Variants in SPNS2 observed in about 807,000 individuals in gnomAD.
SPNS2 encodes the protein SPNS lysolipid transporter 2, sphingosine-1-phosphate, also known as sphingosine-1-phosphate transporter SPNS2.
In SPNS2, 37 loss-of-function variants were observed where a neutral mutation model predicts 57.6. The ratio of observed to expected loss-of-function variants is 0.64; its 90% confidence interval spans 0.49 to 0.85. The LOEUF (loss-of-function observed/expected upper bound fraction) is 0.85. Ranked by LOEUF, SPNS2 falls within the 40% of genes least tolerant of loss-of-function variation. The pLI is 0.00. For missense variants in SPNS2, 831 were observed against 779.1 expected, an observed-to-expected ratio of 1.07 and a Z score of -0.79; for synonymous variants, 440 against 346.9, an observed-to-expected ratio of 1.27 and a Z score of -2.98.
chr17:4,536,050 C>T (rs772220067), intron 9 of SPNS2, 26 bp from the exon 10 acceptor site: 61 of 1,600,834 alleles, frequency 3.8e-5, no homozygotes, highest in Non-Finnish European at 4.4e-5. Flanking sequence ...CTCCTCTGGC[C>T]GCTGACCTGC....
chr17:4,535,328 G>C (rs1905725692), intron 9 of SPNS2, among the ~76,000 whole-genome samples: 1 of 152,162 alleles, frequency 6.6e-6, no homozygotes, highest in South Asian at 2.1e-4. Flanking sequence ...TGCAGGCAGG[G>C]GCCTGCCTCA....
At chr17:4,533,590 A>C in intron 8 of SPNS2, 158 bp downstream of exon 8, 2 of 1,024,816 alleles carry the variant, frequency 2.0e-6, no homozygotes, top group Non-Finnish European at 2.8e-6. Flanking sequence ...GGCCACACAC[A>C]GCCTGTCCAG....
rs750125732 is a variant in SPNS2 at position 4,530,698 on chromosome 17, GC to G, written c.645del (p.Thr216LeufsTer37). 3.7e-6 allele frequency: 6 copies of G among 1,613,852 alleles called. No homozygotes were observed. Among genetic ancestry groups the G allele is most frequent in the Admixed American group, 1.7e-5 (1 of 59,986 alleles). ...CGGGGAGGCCAGCTACTCCACCATC[GC>G]CCCCACTATCATTGGCGACCTCTTC... is the stretch of plus-strand genomic sequence containing the variant. The part of the protein sequence containing the change: ...GIGEASYSTI[A>X]PTIIGDLFTK... On this transcript the variant is annotated frameshift_variant, in exon 4 of 13. Transcript: ENST00000329078. LOFTEE classifies it high-confidence loss of function.
chr17:4,500,417 G>A (rs1904445122), intron 1 of SPNS2, among the ~76,000 whole-genome samples: 1 of 152,152 alleles, frequency 6.6e-6, no homozygotes. Context: ...ATTTGCCCTA[G>A]ACTGAGCTGC....
chr17:4,501,775 C>T (rs1424943170), intron 1 of SPNS2, among the ~76,000 whole-genome samples: 1 of 152,144 alleles, frequency 6.6e-6, no homozygotes, highest in Non-Finnish European at 1.5e-5. Context: ...GCTGGCTGGC[C>T]CAGCTGGGAC....
chr17:4,533,474 T>A, intron 8 of SPNS2, 42 bp downstream of exon 8: 1 of 1,546,064 alleles, frequency 6.5e-7, no homozygotes, highest in Non-Finnish European at 8.7e-7. Flanking sequence ...GAGCTGGGCC[T>A]GGGCCGCGGG....
At chr17:4,524,310 A>T (rs1905212265) in intron 2 of SPNS2, among the ~76,000 whole-genome samples, 1 of 151,712 alleles carries the variant, frequency 6.6e-6, no homozygotes, top group Admixed American at 6.6e-5. Context: ...TGGCCAAGTC[A>T]CTCTCCCTCT....
intron 6 of SPNS2, 63 bp downstream of exon 6, chr17:4,532,747 C>T: frequency 1.3e-6 from 2 of 1,568,404 alleles, no homozygotes; most frequent in East Asian, 4.5e-5. Flanking sequence ...GAGGGCCTGT[C>T]CCTGCAGGGC....
chr17:4,533,501 C>T, intron 8 of SPNS2, 69 bp downstream of exon 8: 2 of 1,464,560 alleles, frequency 1.4e-6, no homozygotes, highest in South Asian at 1.3e-5. Context: ...TGGAACAGGA[C>T]ATTCGGTCTG....
rs1414892241 is a variant in SPNS2, at chr17:4,537,963, C to T, written c.*515C>T. On this transcript the variant is annotated 3_prime_UTR_variant, in exon 13 of 13. Coordinates refer to ENST00000329078, the MANE Select transcript of SPNS2 (RefSeq NM_001124758.3). ...GAGGCTCACGCGAGGGCCTGGTATG[C>T]AGGGACCACTGCTCAGCTGGGCCTC... is the stretch of plus-strand genomic sequence containing the variant. The T allele has an allele frequency of 2.7e-6, 1 of 366,198 alleles. No individual in the cohort carries two copies. The highest frequency in any genetic ancestry group is 5.5e-6 in the Non-Finnish European group (1 of 182,250). 22.7% of individuals were successfully genotyped at this position (366,198 alleles called of 1,614,324 possible).
At chr17:4,514,123 G>A (rs1405265656) in intron 2 of SPNS2, among the ~76,000 whole-genome samples, 2 of 152,254 alleles carry the variant, frequency 1.3e-5, no homozygotes, top group Non-Finnish European at 2.9e-5. Context: ...GATGCTCTTA[G>A]CAGCAACCTT....
rs897220959 is a variant in SPNS2 at position 4,538,696 on chromosome 17, C to T, written c.*1248C>T. On this transcript the variant is annotated 3_prime_UTR_variant, in exon 13 of 13. Coordinates refer to ENST00000329078, the MANE Select transcript of SPNS2 (RefSeq NM_001124758.3). The stretch of plus-strand genomic sequence containing the variant: ...CCCAAGAGCCAGCTTGGACAATGCT[C>T]TTCTTGCCCCTTAGTTACTGGCTGG... 3 of 595,942 alleles carry T rather than the reference C, an allele frequency of 5.0e-6. No homozygotes were observed. The highest frequency in any genetic ancestry group is 3.0e-5 in the Admixed American group (1 of 33,536). 36.9% of individuals were successfully genotyped at this position (595,942 alleles called of 1,614,324 possible).
chr17:4,526,266 G>A (rs1905259953), intron 3 of SPNS2, among the ~76,000 whole-genome samples: 2 of 152,196 alleles, frequency 1.3e-5, no homozygotes, highest in Admixed American at 1.3e-4. Context: ...CATGGGCAGA[G>A]GGAGCCAACC....
At position 4,532,051 on chromosome 17, in the gene SPNS2, C is replaced by T. The variant is rs143065707; in HGVS notation, c.793-491C>T. On this transcript the variant is annotated intron_variant, in intron 5 of 12. Transcript: ENST00000329078. The stretch of plus-strand genomic sequence containing the variant: ...GAACCTGCTCCAGGAATTTTCTCCT[C>T]CCTCAAAGTCATCATCCCATCTGGC... Among the ~76,000 whole-genome samples, 1,090 of 152,246 alleles carry T rather than the reference C, an allele frequency of 7.2e-3. 1 individual carries two copies. Among genetic ancestry groups the T allele is most frequent in the Non-Finnish European group, 0.012 (789 of 68,006 alleles).
At chr17:4,502,166 G>A (rs113783804) in intron 1 of SPNS2, among the ~76,000 whole-genome samples, 5 of 151,854 alleles carry the variant, frequency 3.3e-5, no homozygotes, top group South Asian at 2.1e-4. Context: ...ACCTGAGGTC[G>A]GAAGTTCGAG....
intron 1 of SPNS2, among the ~76,000 whole-genome samples, chr17:4,503,864 G>A (rs1258119228): frequency 1.3e-5 from 2 of 152,154 alleles, no homozygotes; most frequent in Non-Finnish European, 2.9e-5. Context: ...CAGAAGGAGC[G>A]ATGAGCATAG....
At chr17:4,508,110 G>C (rs1304008411) in intron 1 of SPNS2, among the ~76,000 whole-genome samples, 1 of 152,176 alleles carries the variant, frequency 6.6e-6, no homozygotes, top group South Asian at 2.1e-4. Flanking sequence ...TGCCCTTGAG[G>C]TTACAGGCAC....
chr17:4,515,804 G>T (rs1270423421), intron 2 of SPNS2, among the ~76,000 whole-genome samples: 3 of 152,226 alleles, frequency 2.0e-5, no homozygotes, highest in African/African-American at 4.8e-5. Context: ...GTGGCACCAG[G>T]GGCTGCTGGG....
At chr17:4,532,907 A>G in intron 6 of SPNS2, 70 bp from the exon 7 acceptor site, 5 of 1,544,320 alleles carry the variant, frequency 3.2e-6, no homozygotes, top group Non-Finnish European at 4.4e-6. Flanking sequence ...CTGTTCCCCC[A>G]GTGCATGGGG....
Sources: allele counts gnomAD v4.1 joint callset (sites outside exome capture counted in the v4.1 genomes callset), GRCh38; gene constraint gnomAD v4.1.1; transcripts MANE v1.5; gene names NCBI Gene and HGNC (gene_info 2026-07-23, HGNC 2026-07-21).